Variants in KCNIP4 observed in about 807,000 individuals in gnomAD.
KCNIP4 encodes potassium voltage-gated channel interacting protein 4.
In KCNIP4, 12 loss-of-function variants were observed where a neutral mutation model predicts 34.0. The observed-to-expected ratio is 0.35, with a 90% CI of 0.23 to 0.57. The LOEUF is 0.57. Ranked by LOEUF, KCNIP4 falls within the 20% of genes least tolerant of loss-of-function variation. The pLI is 0.83. For missense variants in KCNIP4, 238 were observed against 311.7 expected (o/e 0.76, Z 1.78); for synonymous variants, 124 against 102.2 (o/e 1.21, Z -1.29).
intron 1 of KCNIP4, among the ~76,000 whole-genome samples, chr4:21,174,499 A>G (rs1754250422): frequency 6.6e-6 from 1 of 152,222 alleles, no homozygotes; most frequent in South Asian, 2.1e-4. Context: ...ATGAAGGATT[A>G]TTAGTTTCAC....
intron 1 of KCNIP4, among the ~76,000 whole-genome samples, chr4:21,340,934 C>A (rs10516383): frequency 5.9e-5 from 9 of 152,046 alleles, no homozygotes; most frequent in African/African-American, 2.2e-4. Flanking sequence ...ATATTAACAT[C>A]GGTGGGAACC....
At chr4:21,834,040 T>C (rs1379330555) in intron 1 of KCNIP4, among the ~76,000 whole-genome samples, 1 of 152,150 alleles carries the variant, frequency 6.6e-6, no homozygotes, top group Non-Finnish European at 1.5e-5. Flanking sequence ...CCTCCAGCTT[T>C]GTTCTTTTGG....
intron 3 of KCNIP4, among the ~76,000 whole-genome samples, chr4:20,849,268 G>T (rs1560512183): frequency 6.6e-6 from 1 of 152,058 alleles, no homozygotes; most frequent in Non-Finnish European, 1.5e-5. Flanking sequence ...TTTTGGAGAA[G>T]AAACAAATTT....
intron 1 of KCNIP4, among the ~76,000 whole-genome samples, chr4:21,596,784 C>A (rs1205245850): frequency 2.0e-5 from 3 of 152,032 alleles, no homozygotes; most frequent in Non-Finnish European, 4.4e-5. Flanking sequence ...TACTTAGGAT[C>A]ATACTAAACA....
At chr4:21,918,508 G>C (rs756907588) in intron 1 of KCNIP4, among the ~76,000 whole-genome samples, 8 of 151,854 alleles carry the variant, frequency 5.3e-5, no homozygotes, top group Admixed American at 1.3e-4. Context: ...AGGTGGTCCA[G>C]GCTAGGACTG....
chr4:20,925,497 G>A (rs1352541317), intron 1 of KCNIP4, among the ~76,000 whole-genome samples: 2 of 152,196 alleles, frequency 1.3e-5, no homozygotes. Flanking sequence ...CAAGAAGCAT[G>A]AATAATCCAC....
intron 1 of KCNIP4, among the ~76,000 whole-genome samples, chr4:21,125,537 A>G (rs1750548241): frequency 6.6e-6 from 1 of 152,048 alleles, no homozygotes; most frequent in Admixed American, 6.6e-5. Context: ...ATTAACACAG[A>G]TTTCAGGGCC....
intron 3 of KCNIP4, among the ~76,000 whole-genome samples, chr4:20,805,612 C>T (rs1462579891): frequency 1.3e-5 from 2 of 152,062 alleles, no homozygotes; most frequent in African/African-American, 2.4e-5. Context: ...AAGCATCTGG[C>T]TTATTGGAGA....
At chr4:21,928,125 T>TACAC (rs1186794959) in intron 1 of KCNIP4, among the ~76,000 whole-genome samples, 56 of 124,458 alleles carry the variant, frequency 4.5e-4, no homozygotes, top group African/African-American at 1.1e-3. Flanking sequence ...TATATATATA[T>TACAC]ATACACACAC....
chr4:20,822,235 C>A (rs1399978578), intron 3 of KCNIP4, among the ~76,000 whole-genome samples: 2 of 151,986 alleles, frequency 1.3e-5, no homozygotes, highest in African/African-American at 4.8e-5. Context: ...AACAAATAAT[C>A]CCATCAAAAA....
chr4:20,920,324 C>A (rs1040272321), intron 1 of KCNIP4, among the ~76,000 whole-genome samples: 1 of 152,032 alleles, frequency 6.6e-6, no homozygotes, highest in African/African-American at 2.4e-5. Context: ...ATTAATTGTC[C>A]TTGTATATCT....
chr4:20,976,835 T>C (rs2149685231), intron 1 of KCNIP4, among the ~76,000 whole-genome samples: 1 of 152,116 alleles, frequency 6.6e-6, no homozygotes, highest in East Asian at 1.9e-4. Flanking sequence ...AAAGATGAAC[T>C]TTTTCTCTTT....
intron 1 of KCNIP4, among the ~76,000 whole-genome samples, chr4:21,457,590 C>G (rs899731401): frequency 6.6e-6 from 1 of 151,948 alleles, no homozygotes; most frequent in Non-Finnish European, 1.5e-5. Context: ...GAGGTGTAAG[C>G]AATGCAATAT....
At chr4:21,334,434 G>A (rs747417028) in intron 1 of KCNIP4, among the ~76,000 whole-genome samples, 5 of 151,922 alleles carry the variant, frequency 3.3e-5, no homozygotes, top group Non-Finnish European at 5.9e-5. Context: ...CAAGGTACCC[G>A]GCAGAGTGAA....
chr4:21,306,225 A>G (rs1196042389), intron 1 of KCNIP4, among the ~76,000 whole-genome samples: 1 of 152,244 alleles, frequency 6.6e-6, no homozygotes, highest in African/African-American at 2.4e-5. Context: ...ACCAAGCTTC[A>G]AATTCTGATG....
chr4:21,205,460 C>T (rs1338715483), intron 1 of KCNIP4, among the ~76,000 whole-genome samples: 1 of 152,118 alleles, frequency 6.6e-6, no homozygotes. Flanking sequence ...TCCCATTTAT[C>T]TTTCACAACT....
intron 1 of KCNIP4, among the ~76,000 whole-genome samples, chr4:21,115,950 G>T (rs1749638377): frequency 6.6e-6 from 1 of 152,172 alleles, no homozygotes; most frequent in Admixed American, 6.5e-5. Flanking sequence ...CAATCCATTT[G>T]CTAAAGCCAT....
chr4:21,499,274 T>G (rs2109882820), intron 1 of KCNIP4, among the ~76,000 whole-genome samples: 1 of 148,710 alleles, frequency 6.7e-6, no homozygotes, highest in Middle Eastern at 3.6e-3. Context: ...GAGGTTGCAG[T>G]GAGCCAACAT....
intron 1 of KCNIP4, among the ~76,000 whole-genome samples, chr4:21,276,057 C>T (rs1261534743): frequency 6.6e-6 from 1 of 152,198 alleles, no homozygotes. Flanking sequence ...GGCCTGCAGG[C>T]AGCAGGTTGG....
Sources: allele counts gnomAD v4.1 joint callset (sites outside exome capture counted in the v4.1 genomes callset), GRCh38; gene constraint gnomAD v4.1.1; transcripts MANE v1.5; gene names NCBI Gene and HGNC (gene_info 2026-07-23, HGNC 2026-07-21).